Variants in ARL15 observed in about 807,000 individuals in gnomAD.
ARL15 encodes ADP-ribosylation factor-like protein 15.
In ARL15, 19 loss-of-function variants were observed where a neutral mutation model predicts 25.2. That is an observed-to-expected ratio of 0.75 (90% CI 0.53 to 1.10). The LOEUF (loss-of-function observed/expected upper bound fraction) is 1.10. ARL15 is among the 50% of genes least tolerant of loss of function. ARL15 has a pLI of 0.00. For missense variants in ARL15, 220 were observed against 246.0 expected (o/e 0.89, Z 0.71); for synonymous variants, 94 against 86.8 (o/e 1.08, Z -0.46).
chr5:54,179,088 C>T (rs886466557), intron 1 of ARL15, among the ~76,000 whole-genome samples: 1 of 152,138 alleles, frequency 6.6e-6, no homozygotes, highest in Non-Finnish European at 1.5e-5. Context: ...CTACGTGGAA[C>T]AGGATTCAAA....
chr5:53,960,967 CT>C (rs1489527690), intron 4 of ARL15, among the ~76,000 whole-genome samples: 2 of 152,150 alleles, frequency 1.3e-5, no homozygotes, highest in African/African-American at 4.8e-5. Flanking sequence ...GTCAGGGTTT[CT>C]TGTATCTTGT....
intron 1 of ARL15, among the ~76,000 whole-genome samples, chr5:54,177,303 T>A (rs535481403): frequency 9.8e-5 from 15 of 152,318 alleles, no homozygotes; most frequent in Admixed American, 4.6e-4. Context: ...CAGTAATAAC[T>A]GACTATATCG....
chr5:54,253,491 C>G (rs900730278), intron 1 of ARL15, among the ~76,000 whole-genome samples: 1 of 152,098 alleles, frequency 6.6e-6, no homozygotes, highest in South Asian at 2.1e-4. Context: ...TGTACTCACT[C>G]AATTCAAACA....
intron 1 of ARL15, among the ~76,000 whole-genome samples, chr5:54,197,884 C>T (rs1755598411): frequency 6.6e-6 from 1 of 152,060 alleles, no homozygotes. Context: ...AACATTGATG[C>T]AAAAATCCTC....
intron 1 of ARL15, among the ~76,000 whole-genome samples, chr5:54,292,701 A>G (rs1758364766): frequency 6.6e-6 from 1 of 152,174 alleles, no homozygotes; most frequent in South Asian, 2.1e-4. Flanking sequence ...CAAGAGAAGG[A>G]AAAAAAGGCA....
intron 1 of ARL15, chr5:54,285,234 T>A: frequency 2.5e-6 from 1 of 397,394 alleles, no homozygotes; most frequent in Non-Finnish European, 3.4e-6. Flanking sequence ...AAAAAAGATG[T>A]CAAAAACAAG....
intron 1 of ARL15, among the ~76,000 whole-genome samples, chr5:54,228,511 C>T (rs1389577230): frequency 7.6e-6 from 1 of 130,838 alleles, no homozygotes; most frequent in Admixed American, 8.8e-5. Context: ...CCCACCCAGA[C>T]AACAAAAGAG....
chr5:54,270,631 C>T (rs1441159091), intron 1 of ARL15, among the ~76,000 whole-genome samples: 1 of 152,200 alleles, frequency 6.6e-6, no homozygotes, highest in Admixed American at 6.5e-5. Flanking sequence ...CAAGAAATCC[C>T]CTGCCCTCAT....
chr5:54,272,750 T>C (rs1284451656), intron 1 of ARL15, among the ~76,000 whole-genome samples: 1 of 152,232 alleles, frequency 6.6e-6, no homozygotes, highest in African/African-American at 2.4e-5. Context: ...CATTATAACA[T>C]CTACAGTCAG....
chr5:54,037,951 A>C (rs1424440584), intron 4 of ARL15, among the ~76,000 whole-genome samples: 2 of 152,116 alleles, frequency 1.3e-5, no homozygotes, highest in Non-Finnish European at 2.9e-5. Context: ...TAGATTATCT[A>C]TCCGAATCTC....
intron 4 of ARL15, among the ~76,000 whole-genome samples, chr5:53,921,055 A>T (rs1277872385): frequency 6.6e-6 from 1 of 152,236 alleles, no homozygotes; most frequent in Non-Finnish European, 1.5e-5. Context: ...CCCACTGACC[A>T]TATTGCACTG....
intron 4 of ARL15, among the ~76,000 whole-genome samples, chr5:54,043,865 T>G (rs1750424078): frequency 6.8e-6 from 1 of 147,182 alleles, no homozygotes; most frequent in African/African-American, 2.5e-5. Context: ...AAAAAAAAAT[T>G]AGCCAGGTGT....
At chr5:53,950,063 A>G (rs928783518) in intron 4 of ARL15, among the ~76,000 whole-genome samples, 8 of 152,208 alleles carry the variant, frequency 5.3e-5, no homozygotes, top group Non-Finnish European at 1.0e-4. Flanking sequence ...GTAAAACCAT[A>G]AACATGAATG....
chr5:54,305,831 G>A (rs1758740398), intron 1 of ARL15, among the ~76,000 whole-genome samples: 1 of 152,118 alleles, frequency 6.6e-6, no homozygotes, highest in Admixed American at 6.5e-5. Context: ...ACCTTGAAAA[G>A]TAAAACCGTG....
chr5:53,960,013 A>G (rs972036706), intron 4 of ARL15, among the ~76,000 whole-genome samples: 1 of 152,088 alleles, frequency 6.6e-6, no homozygotes, highest in African/African-American at 2.4e-5. Flanking sequence ...TGTCGAAAGA[A>G]TTAATGAGTG....
intron 4 of ARL15, among the ~76,000 whole-genome samples, chr5:53,893,344 C>A (rs1302298115): frequency 3.3e-5 from 5 of 152,076 alleles, no homozygotes; most frequent in Non-Finnish European, 5.9e-5. Context: ...CGGTGGCTCA[C>A]GCCTGTAATC....
At chr5:54,214,454 A>G (rs901813570) in intron 1 of ARL15, among the ~76,000 whole-genome samples, 5 of 152,120 alleles carry the variant, frequency 3.3e-5, no homozygotes, top group Admixed American at 2.0e-4. Flanking sequence ...TTTTCCCTAC[A>G]TATTGTCCTC....
At chr5:54,247,578 G>GGAA (rs1554050254) in intron 1 of ARL15, among the ~76,000 whole-genome samples, 1 of 113,466 alleles carries the variant, frequency 8.8e-6, no homozygotes, top group Non-Finnish European at 1.8e-5. Context: ...GAAAGGAAGA[G>GGAA]AAAAAAAAAA....
chr5:54,094,729 T>C (rs951242943), intron 4 of ARL15, among the ~76,000 whole-genome samples: 1 of 152,218 alleles, frequency 6.6e-6, no homozygotes, highest in Non-Finnish European at 1.5e-5. Context: ...CCTGGGTCTG[T>C]ATTGCTCACT....
Sources: gnomAD v4.1 joint callset for allele counts (sites outside exome capture counted in the v4.1 genomes callset) on GRCh38, gnomAD v4.1.1 for gene constraint, MANE v1.5 for transcripts, NCBI Gene and HGNC (gene_info 2026-07-23, HGNC 2026-07-21) for gene names.